SMU1: variants seen among roughly 807,000 people sequenced by gnomAD.
SMU1 encodes the protein SMU1 DNA replication regulator and spliceosomal factor.
Under a neutral mutation model 62.0 loss-of-function variants are expected in SMU1, and 2 were observed. That is an observed-to-expected ratio of 0.03 (90% CI 0.01 to 0.10). SMU1 has a LOEUF of 0.10. Among genes scored for constraint, SMU1 ranks in the 10% least tolerant of loss-of-function variants. SMU1 has a pLI of 1.00. For missense variants in SMU1, 227 were observed against 622.1 expected (o/e 0.36, Z 6.76); for synonymous variants, 188 against 212.4 (o/e 0.89, Z 1.00).
chr9:33,058,179 CTAATTA>C (rs1271848967), intron 6 of SMU1, among the ~76,000 whole-genome samples: 3 of 151,386 alleles, frequency 2.0e-5, no homozygotes, highest in Non-Finnish European at 4.4e-5. Flanking sequence ...TTATTTTTTT[CTAATTA>C]TAAAGTGAGA....
intron 3 of SMU1, among the ~76,000 whole-genome samples, chr9:33,071,292 T>G (rs1397684688): frequency 6.6e-6 from 1 of 152,076 alleles, no homozygotes; most frequent in Non-Finnish European, 1.5e-5. Context: ...TTTGGAAGAA[T>G]AAAAGACTAT....
chr9:33,054,834 G>GA (rs1405897530), intron 9 of SMU1, among the ~76,000 whole-genome samples: 1 of 152,124 alleles, frequency 6.6e-6, no homozygotes, highest in Non-Finnish European at 1.5e-5. Flanking sequence ...TTGCTTAGAA[G>GA]AAAAAATGAA....
At chr9:33,058,737 C>T (rs539864516) in intron 6 of SMU1, among the ~76,000 whole-genome samples, 1 of 151,906 alleles carries the variant, frequency 6.6e-6, no homozygotes, top group South Asian at 2.1e-4. Context: ...AAAAATTAAA[C>T]ATAAAATAAA....
intron 11 of SMU1, among the ~76,000 whole-genome samples, chr9:33,047,902 G>C (rs1839204079): frequency 2.0e-5 from 3 of 151,560 alleles, no homozygotes; most frequent in Non-Finnish European, 4.4e-5. Flanking sequence ...CTTATATAGT[G>C]TTAAGCCACC....
intron 2 of SMU1, among the ~76,000 whole-genome samples, chr9:33,072,269 G>A (rs1035451474): frequency 9.2e-5 from 14 of 151,992 alleles, no homozygotes; most frequent in Admixed American, 2.6e-4. Context: ...CCCGAGAGGC[G>A]GAGAGTGCAG....
chr9:33,064,189 T>C (rs1335652298), intron 4 of SMU1, among the ~76,000 whole-genome samples: 1 of 152,192 alleles, frequency 6.6e-6, no homozygotes, highest in African/African-American at 2.4e-5. Flanking sequence ...CTTGAACTCC[T>C]GGGCTCAAGC....
intron 6 of SMU1, 48 bp from the exon 7 acceptor site, chr9:33,057,762 C>T (rs747942404): frequency 6.2e-7 from 1 of 1,606,120 alleles, no homozygotes; most frequent in Non-Finnish European, 8.5e-7. Flanking sequence ...AAAGCCAAGA[C>T]CCCAGTTCTC....
intron 2 of SMU1, 79 bp downstream of exon 2, chr9:33,073,517 T>C: frequency 1.0e-6 from 1 of 960,878 alleles, no homozygotes. Flanking sequence ...CTTGAAGGAA[T>C]GCTCACTGAC....
At chr9:33,073,500 T>C (rs1839509940) in intron 2 of SMU1, 96 bp downstream of exon 2, 3 of 777,954 alleles carry the variant, frequency 3.9e-6, no homozygotes, top group African/African-American at 1.7e-5. Flanking sequence ...GATGCAGCCC[T>C]ACCGTGCTTG....
At chr9:33,051,864 G>A (rs1262449506) in intron 10 of SMU1, among the ~76,000 whole-genome samples, 2 of 151,884 alleles carry the variant, frequency 1.3e-5, no homozygotes, top group African/African-American at 2.4e-5. Context: ...AGACCAGCCT[G>A]ACCAACTTGG....
chr9:33,047,762 G>C (rs1447082590), intron 11 of SMU1, among the ~76,000 whole-genome samples: 2 of 152,052 alleles, frequency 1.3e-5, no homozygotes, highest in African/African-American at 2.4e-5. Context: ...GGGAGGCTGA[G>C]GCAGGAGAAT....
chr9:33,065,505 G>A (rs888972795), intron 4 of SMU1, among the ~76,000 whole-genome samples: 5 of 152,176 alleles, frequency 3.3e-5, no homozygotes, highest in East Asian at 1.9e-4. Context: ...AGAAAAAAAT[G>A]TTAGTTAAAT....
chr9:33,068,035 T>G (rs1839442168), intron 4 of SMU1, among the ~76,000 whole-genome samples: 1 of 152,182 alleles, frequency 6.6e-6, no homozygotes, highest in Non-Finnish European at 1.5e-5. Flanking sequence ...CCATTTACTA[T>G]TTACAAGGTG....
chr9:33,062,139 A>C lies in SMU1; in HGVS notation c.540T>G (p.Pro180=). ...KWQQHQGLLP[P]GMTIDLFRGK... ...CTCGAAACAAATCTATGGTCATACCAGGAGGAAGCAATCCCTGATGCTGCT... is the reference window on the plus strand; with the variant it reads ...CTCGAAACAAATCTATGGTCATACCCGGAGGAAGCAATCCCTGATGCTGCT... The change falls in exon 5 of 12, where the codon CCT becomes CCG. Residue 180 remains proline, a synonymous_variant. Transcript: ENST00000397149. 2 of 1,614,036 alleles carry C rather than the reference A, an allele frequency of 1.2e-6. No homozygotes were observed. The highest frequency in any genetic ancestry group is 1.7e-6 in the Non-Finnish European group (2 of 1,179,956).
chr9:33,070,885 C>T (rs985628833), intron 3 of SMU1, among the ~76,000 whole-genome samples: 14 of 151,422 alleles, frequency 9.2e-5, no homozygotes, highest in African/African-American at 2.7e-4. Flanking sequence ...GTGGAGGTGG[C>T]GGGGGTAAGA....
intron 9 of SMU1, among the ~76,000 whole-genome samples, chr9:33,053,498 C>T (rs570068431): frequency 1.3e-5 from 2 of 152,226 alleles, no homozygotes; most frequent in South Asian, 4.1e-4. Flanking sequence ...TTCCAGGATC[C>T]CCTTTAGATA....
intron 11 of SMU1, 40 bp from the exon 12 acceptor site, chr9:33,047,431 G>T (rs1381200030): frequency 1.9e-6 from 3 of 1,546,006 alleles, no homozygotes; most frequent in Admixed American, 3.5e-5. Context: ...GTACAGATCT[G>T]CAATAAATCA....
intron 1 of SMU1, among the ~76,000 whole-genome samples, chr9:33,075,758 C>T (rs947564707): frequency 2.6e-5 from 4 of 152,132 alleles, no homozygotes; most frequent in Non-Finnish European, 4.4e-5. Context: ...AAAAAAGGTC[C>T]TCTCCCTCCC....
intron 1 of SMU1, among the ~76,000 whole-genome samples, chr9:33,074,905 C>A (rs941069215): frequency 6.6e-6 from 1 of 151,918 alleles, no homozygotes; most frequent in Non-Finnish European, 1.5e-5. Flanking sequence ...TCCCGAGTAG[C>A]TGAGACCACA....
Sources: gnomAD v4.1 joint callset for allele counts (sites outside exome capture counted in the v4.1 genomes callset) on GRCh38, gnomAD v4.1.1 for gene constraint, MANE v1.5 for transcripts, NCBI Gene and HGNC (gene_info 2026-07-23, HGNC 2026-07-21) for gene names.